Variants in NDUFA10 observed in about 807,000 individuals in gnomAD.
The protein encoded by NDUFA10 is NADH:ubiquinone oxidoreductase subunit A10, also known as NADH dehydrogenase [ubiquinone] 1 alpha subcomplex subunit 10, mitochondrial.
A neutral mutation model predicts 47.8 loss-of-function variants in NDUFA10; 40 were observed. The observed-to-expected ratio is 0.84, with a 90% confidence interval of 0.65 to 1.09. NDUFA10 has a LOEUF of 1.09. Ranked by LOEUF, NDUFA10 falls within the 50% of genes least tolerant of loss-of-function variation. The pLI is 0.00. For synonymous variants in NDUFA10, 183 were observed against 172.2 expected, an observed-to-expected ratio of 1.06 and a Z score of -0.49; for missense variants, 413 against 451.1, an observed-to-expected ratio of 0.92 and a Z score of 0.76.
At chr2:240,000,555 A>G (rs1696667321) in intron 8 of NDUFA10, among the ~76,000 whole-genome samples, 1 of 152,244 alleles carries the variant, frequency 6.6e-6, no homozygotes, top group Non-Finnish European at 1.5e-5. Flanking sequence ...TTTTATATAA[A>G]TTTAGTGTAG....
chr2:239,905,793 G>A lies in NDUFA10; in HGVS notation c.295-10479C>T, dbSNP rs111972404. Among the ~76,000 whole-genome samples, 210 of 140,712 alleles carry A rather than the reference G, an allele frequency of 1.5e-3. 1 individual carries two copies. The highest frequency in any genetic ancestry group is 5.4e-3 in the African/African-American group (204 of 38,110). The allele number at this position is 140,712 out of a possible 152,430, so 92.3% of individuals were successfully genotyped here. A position where few individuals can be genotyped will look rare whatever the true frequency, so the allele number is the denominator to read the frequency against. On this transcript the variant is annotated intron_variant, in intron 4 of 5. Transcript: ENST00000419408. Reference sequence around the variant, plus strand: ...TAATTATCTCTGAAGAAGAAGAAGCGGGGAGAGGAGGGGAGGGGAAGGGAG... The same window carrying A: ...TAATTATCTCTGAAGAAGAAGAAGCAGGGAGAGGAGGGGAGGGGAAGGGAG...
At chr2:239,907,999 G>A (rs13405759) in intron 4 of NDUFA10, among the ~76,000 whole-genome samples, 25,328 of 152,074 alleles carry the variant, frequency 0.17, 2,150 homozygotes, top group South Asian at 0.2. Context: ...AACCAACCCA[G>A]ATGTCCATCA....
chr2:239,911,208 A>G (rs1693748236), intron 4 of NDUFA10, among the ~76,000 whole-genome samples: 1 of 152,024 alleles, frequency 6.6e-6, no homozygotes. Context: ...CCCTGGAGGG[A>G]GTTGTGTGTG....
intron 6 of NDUFA10, among the ~76,000 whole-genome samples, 153 bp downstream of exon 6, chr2:240,011,464 C>A (rs1697140486): frequency 6.6e-6 from 1 of 152,164 alleles, no homozygotes; most frequent in African/African-American, 2.4e-5. Context: ...ACTGAAATGT[C>A]TCCTGTTTTT....
In NDUFA10 at chr2:239,960,105, T is replaced by A; in HGVS notation, c.*1013A>T. ...ACCCACATGTGGCTAGGAGCTACCATATTGGACACAGTGGAGCTTTACAGT... is the reference window on the plus strand; with the variant it reads ...ACCCACATGTGGCTAGGAGCTACCAAATTGGACACAGTGGAGCTTTACAGT... On this transcript the variant is annotated 3_prime_UTR_variant, in exon 10 of 10. Transcript: ENST00000252711. 1.0e-6 allele frequency: 1 copy of A among 985,396 alleles called. No homozygotes were observed. The highest frequency in any genetic ancestry group is 1.2e-6 in the Non-Finnish European group (1 of 829,942). The allele number at this position is 985,396 out of a possible 1,614,324, so 61.0% of individuals were successfully genotyped here.
At chr2:240,025,069 G>A (rs1697799738) in intron 1 of NDUFA10, among the ~76,000 whole-genome samples, 158 bp downstream of exon 1, 1 of 152,012 alleles carries the variant, frequency 6.6e-6, no homozygotes, top group African/African-American at 2.4e-5. Flanking sequence ...CACGACCAAA[G>A]ACCAAACAAT....
In NDUFA10 at chr2:239,982,949, C is replaced by T. The variant is rs186792452; in HGVS notation, c.999+7125G>A. On this transcript the variant is annotated intron_variant, in intron 9 of 9. Transcript: ENST00000252711. ...GGAAGCCACTCTCACCAGGGTGGGG[C>T]CTTTTGTTAGAAATAAAAACCCTCC... Among the ~76,000 whole-genome samples the T allele has an allele frequency of 1.4e-4, 21 of 152,260 alleles. No homozygotes were observed. The East Asian group carries it at 4.1e-3, about 29-fold the overall frequency.
At chr2:239,981,057 G>T (rs976592876) in intron 9 of NDUFA10, among the ~76,000 whole-genome samples, 1 of 152,250 alleles carries the variant, frequency 6.6e-6, no homozygotes, top group Admixed American at 6.5e-5. Flanking sequence ...CTGCTCCTCA[G>T]GAATCTGAGG....
intron 9 of NDUFA10, among the ~76,000 whole-genome samples, chr2:239,986,359 A>G (rs971432911): frequency 2.6e-5 from 4 of 152,244 alleles, no homozygotes; most frequent in Admixed American, 2.6e-4. Context: ...CCATGGTAGC[A>G]GAGACAGGAG....
At chr2:239,998,248 T>C (rs1696558947) in intron 8 of NDUFA10, among the ~76,000 whole-genome samples, 1 of 152,180 alleles carries the variant, frequency 6.6e-6, no homozygotes, top group Admixed American at 6.5e-5. Context: ...TTCACTTTCC[T>C]CCTTACCCAG....
intron 4 of NDUFA10, among the ~76,000 whole-genome samples, chr2:239,929,451 C>T (rs1249624299): frequency 6.6e-6 from 1 of 152,156 alleles, no homozygotes; most frequent in Non-Finnish European, 1.5e-5. Flanking sequence ...GCAAGGAATG[C>T]AAAATAAGCC....
chr2:239,995,018 T>C (rs1574861743), intron 8 of NDUFA10, among the ~76,000 whole-genome samples: 1 of 152,240 alleles, frequency 6.6e-6, no homozygotes, highest in East Asian at 1.9e-4. Context: ...CTCATGTCTG[T>C]AATCTCAGCA....
chr2:239,908,626 G>A (rs1466210138), intron 4 of NDUFA10, among the ~76,000 whole-genome samples: 1 of 152,188 alleles, frequency 6.6e-6, no homozygotes, highest in East Asian at 1.9e-4. Context: ...TAAGTAAGAT[G>A]GCAGAATGTC....
Position 240,016,059 on chromosome 2 carries a change from A to G in NDUFA10, c.548-1199T>C, listed in dbSNP as rs1027273167. Among the ~76,000 whole-genome samples the G allele has an allele frequency of 2.6e-5, 4 of 152,116 alleles. No individual in the cohort carries two copies. The highest frequency in any genetic ancestry group is 9.7e-5 in the African/African-American group (4 of 41,418). On this transcript the variant is annotated intron_variant, in intron 4 of 9. Coordinates refer to ENST00000252711, the MANE Select transcript of NDUFA10 (RefSeq NM_004544.4). This position sits in a 1 kb window ranked among gnomAD's most constrained non-coding sequence, Gnocchi z 4.4. ...AAATAAATAAATAAAAATTTTAAAA[A>G]TTAAATTAAAAAAAAAAGTTCCAGT...
At position 239,983,622 on chromosome 2, in the gene NDUFA10, G is replaced by A. The variant is rs373240216; in HGVS notation, c.999+6452C>T. 579 of 1,589,260 alleles carry A rather than the reference G, an allele frequency of 3.6e-4. No individual in the cohort carries two copies. Among genetic ancestry groups the A allele is most frequent in the Non-Finnish European group, 4.5e-4 (529 of 1,168,314 alleles). ...AGCACGACCTCAGCCAGGAGCCCAC[G>A]GTCAGGGCCACGGTGCCAGGCTGCA... On this transcript the variant is annotated intron_variant, in intron 9 of 9. Transcript: ENST00000252711.
intron 9 of NDUFA10, among the ~76,000 whole-genome samples, chr2:239,989,517 G>A (rs1207333683): frequency 1.3e-5 from 2 of 152,244 alleles, no homozygotes; most frequent in African/African-American, 2.4e-5. Flanking sequence ...CAACTCACCC[G>A]CTGGTTCCCA....
chr2:239,995,687 A>T (rs1156944695), intron 8 of NDUFA10, among the ~76,000 whole-genome samples: 1 of 152,136 alleles, frequency 6.6e-6, no homozygotes, highest in East Asian at 1.9e-4. Flanking sequence ...AAAACACAAG[A>T]CCCAATTACT....
intron 4 of NDUFA10, among the ~76,000 whole-genome samples, chr2:239,949,022 G>A (rs548076134): frequency 6.6e-6 from 1 of 152,270 alleles, no homozygotes; most frequent in South Asian, 2.1e-4. Context: ...CCAACCCCAA[G>A]CTTCCTGCCT....
At chr2:239,943,073 G>C (rs932187909) in intron 4 of NDUFA10, 2 of 154,446 alleles carry the variant, frequency 1.3e-5, no homozygotes, top group African/African-American at 4.8e-5. Context: ...GGTGCATCCA[G>C]TCCTGGTCTC....
Sources: allele counts gnomAD v4.1 joint callset (sites outside exome capture counted in the v4.1 genomes callset), GRCh38; gene constraint gnomAD v4.1.1; non-coding constraint Gnocchi (gnomAD v3.1); transcripts MANE v1.5; gene names NCBI Gene and HGNC (gene_info 2026-07-23, HGNC 2026-07-21).